Variants in ZNF385D observed in about 807,000 individuals in gnomAD.
The protein encoded by ZNF385D is zinc finger protein 659.
In ZNF385D, 15 loss-of-function variants were observed where a neutral mutation model predicts 35.8. The ratio of observed to expected loss-of-function variants is 0.42; its 90% CI spans 0.28 to 0.64. The LOEUF (loss-of-function observed/expected upper bound fraction) is 0.64. Among genes scored for constraint, ZNF385D ranks in the 30% least tolerant of loss-of-function variants. The probability of loss-of-function intolerance (pLI) is 0.23; values close to 1 mark genes in which losing one functional copy is unlikely to be tolerated. For synonymous variants in ZNF385D, 212 were observed against 186.8 expected, an observed-to-expected ratio of 1.13 and a Z score of -1.10; for missense variants, 474 against 494.6, an observed-to-expected ratio of 0.96 and a Z score of 0.39.
chr3:21,948,599 C>A (rs1701908670), intron 3 of ZNF385D, among the ~76,000 whole-genome samples: 1 of 152,058 alleles, frequency 6.6e-6, no homozygotes, highest in Admixed American at 6.5e-5. Flanking sequence ...TTTCTATATA[C>A]TGAATTGGCA....
chr3:21,668,178 C>A (rs1379274737), intron 1 of ZNF385D, among the ~76,000 whole-genome samples: 2 of 152,128 alleles, frequency 1.3e-5, no homozygotes, highest in African/African-American at 4.8e-5. Flanking sequence ...ATGTCCCTGG[C>A]CTGAGAGCCT....
chr3:21,634,724 T>C (rs2065378540), intron 2 of ZNF385D, among the ~76,000 whole-genome samples: 1 of 152,044 alleles, frequency 6.6e-6, no homozygotes, highest in African/African-American at 2.4e-5. Flanking sequence ...TTTTCTTAAG[T>C]ATACAAACAT....
At chr3:22,275,172 T>C (rs1701366932) in intron 2 of ZNF385D, among the ~76,000 whole-genome samples, 1 of 152,150 alleles carries the variant, frequency 6.6e-6, no homozygotes, top group South Asian at 2.1e-4. Context: ...CATTACATTG[T>C]ATTCTATTTT....
chr3:21,969,853 G>A (rs1703137796), intron 3 of ZNF385D, among the ~76,000 whole-genome samples: 1 of 152,148 alleles, frequency 6.6e-6, no homozygotes, highest in Non-Finnish European at 1.5e-5. Context: ...AGACAGCTCA[G>A]AAAGGGATAG....
At chr3:21,689,031 T>C (rs1332220098) in intron 1 of ZNF385D, among the ~76,000 whole-genome samples, 1 of 151,012 alleles carries the variant, frequency 6.6e-6, no homozygotes, top group Non-Finnish European at 1.5e-5. Flanking sequence ...ATACAAATCT[T>C]ACATAATTCT....
chr3:22,258,959 C>A (rs1700465336), intron 2 of ZNF385D, among the ~76,000 whole-genome samples: 1 of 151,516 alleles, frequency 6.6e-6, no homozygotes, highest in African/African-American at 2.4e-5. Flanking sequence ...CAGGAAGGAG[C>A]TTTTGAAATC....
At chr3:21,753,770 GT>G (rs869213629), upstream of ZNF385D, among the ~76,000 whole-genome samples, 3 of 14,740 alleles carry the variant, frequency 2.0e-4, no homozygotes, top group Admixed American at 1.8e-3. Context: ...TTTGGTGGTT[GT>G]TGTTGTTGTT....
At chr3:22,097,605 T>C (rs554781668) in intron 3 of ZNF385D, among the ~76,000 whole-genome samples, 3 of 151,890 alleles carry the variant, frequency 2.0e-5, no homozygotes, top group African/African-American at 7.3e-5. Context: ...TATGATAAAA[T>C]GAGAAATGAG....
intron 2 of ZNF385D, among the ~76,000 whole-genome samples, chr3:21,571,634 C>T (rs781492462): frequency 6.6e-5 from 10 of 152,148 alleles, no homozygotes; most frequent in Non-Finnish European, 1.0e-4. Context: ...CAAGACTCTA[C>T]TTCAAACACC....
At chr3:21,713,291 T>C (rs1179829225) in intron 1 of ZNF385D, among the ~76,000 whole-genome samples, 2 of 152,208 alleles carry the variant, frequency 1.3e-5, no homozygotes, top group African/African-American at 4.8e-5. Context: ...CACTTGTCCA[T>C]AGCAGAAGTA....
intron 3 of ZNF385D, among the ~76,000 whole-genome samples, chr3:21,887,209 G>T (rs934899117): frequency 6.6e-6 from 1 of 152,128 alleles, no homozygotes; most frequent in Admixed American, 6.6e-5. Context: ...TTCATGAAGG[G>T]AAATGTCATC....
intron 2 of ZNF385D, among the ~76,000 whole-genome samples, chr3:22,324,308 T>C (rs961272446): frequency 6.6e-6 from 1 of 152,138 alleles, no homozygotes; most frequent in African/African-American, 2.4e-5. Flanking sequence ...GTAACTAGTA[T>C]TAAGCAGTAG....
chr3:21,467,097 C>A (rs1703563475), intron 4 of ZNF385D, among the ~76,000 whole-genome samples: 1 of 152,048 alleles, frequency 6.6e-6, no homozygotes, highest in Non-Finnish European at 1.5e-5. Flanking sequence ...TCATTAATGC[C>A]CCCCATCAAT....
chr3:21,824,905 G>T (rs779864455), intron 3 of ZNF385D, among the ~76,000 whole-genome samples: 14 of 152,168 alleles, frequency 9.2e-5, no homozygotes, highest in South Asian at 2.1e-4. Flanking sequence ...AATGCTGATT[G>T]TAACTATAAT....
chr3:22,235,718 A>C (rs959967021), intron 2 of ZNF385D, among the ~76,000 whole-genome samples: 22 of 152,166 alleles, frequency 1.4e-4, no homozygotes, highest in African/African-American at 4.8e-4. Context: ...AATACTTTGC[A>C]GTTATCCACT....
intron 3 of ZNF385D, among the ~76,000 whole-genome samples, chr3:22,026,408 G>A (rs73137162): frequency 0.086 from 13,029 of 152,134 alleles, 596 homozygotes; most frequent in East Asian, 0.16. Context: ...ACTGCATTGG[G>A]GAAAGGGAAA....
chr3:21,910,973 T>C (rs762652882), intron 3 of ZNF385D, among the ~76,000 whole-genome samples: 13 of 151,988 alleles, frequency 8.6e-5, no homozygotes, highest in Non-Finnish European at 1.6e-4. Context: ...AAAAACTACA[T>C]AGTATTTTCT....
intron 2 of ZNF385D, among the ~76,000 whole-genome samples, chr3:22,280,690 G>A (rs1255578861): frequency 1.3e-5 from 2 of 151,872 alleles, no homozygotes; most frequent in South Asian, 2.1e-4. Context: ...GTTTGAAGTC[G>A]GGTAATGTAA....
At chr3:21,993,093 C>G (rs1045092563) in intron 3 of ZNF385D, among the ~76,000 whole-genome samples, 1 of 152,188 alleles carries the variant, frequency 6.6e-6, no homozygotes, top group Non-Finnish European at 1.5e-5. Flanking sequence ...AGATACATAA[C>G]TCTCCTGTAG....
Sources: allele counts gnomAD v4.1 joint callset (sites outside exome capture counted in the v4.1 genomes callset), GRCh38; gene constraint gnomAD v4.1.1; transcripts MANE v1.5; gene names NCBI Gene and HGNC (gene_info 2026-07-23, HGNC 2026-07-21).